Variants in HIBADH observed in about 807,000 individuals in gnomAD.
HIBADH encodes 3-hydroxyisobutyrate dehydrogenase, mitochondrial.
Under a neutral mutation model 36.1 loss-of-function variants are expected in HIBADH, and 25 were observed. That is an observed-to-expected ratio of 0.69 (90% CI 0.50 to 0.97). The LOEUF (loss-of-function observed/expected upper bound fraction) is 0.97, where lower values mean the gene tolerates loss of function less well. Ranked by LOEUF, HIBADH falls within the 50% of genes least tolerant of loss-of-function variation. The probability of loss-of-function intolerance (pLI) is 0.00; values close to 1 mark genes in which losing one functional copy is unlikely to be tolerated. For synonymous variants in HIBADH, 160 were observed against 149.5 expected (o/e 1.07, Z -0.51); for missense variants, 421 against 418.0 (o/e 1.01, Z -0.06).
chr7:27,640,586 G>A (rs1044232754), intron 2 of HIBADH, among the ~76,000 whole-genome samples: 1 of 152,246 alleles, frequency 6.6e-6, no homozygotes, highest in Admixed American at 6.5e-5. Context: ...TATATTCAAG[G>A]CAACTTGAAT....
intron 2 of HIBADH, among the ~76,000 whole-genome samples, chr7:27,648,994 G>A (rs1340986073): frequency 1.3e-5 from 2 of 152,240 alleles, no homozygotes; most frequent in Admixed American, 6.5e-5. Context: ...GGTTGTCATC[G>A]TTCACATTTT....
intron 4 of HIBADH, among the ~76,000 whole-genome samples, chr7:27,571,244 C>T (rs778429040): frequency 2.0e-5 from 3 of 151,166 alleles, no homozygotes; most frequent in Admixed American, 1.3e-4. Flanking sequence ...TTTTTTGAGA[C>T]GGAGTTTTGC....
intron 4 of HIBADH, among the ~76,000 whole-genome samples, chr7:27,573,841 A>AT (rs1784664175): frequency 6.6e-6 from 1 of 152,218 alleles, no homozygotes; most frequent in Non-Finnish European, 1.5e-5. Flanking sequence ...TAAATTTTAT[A>AT]TTGATTACAT....
At chr7:27,653,909 A>T (rs1786247099) in intron 1 of HIBADH, among the ~76,000 whole-genome samples, 1 of 152,252 alleles carries the variant, frequency 6.6e-6, no homozygotes, top group Admixed American at 6.5e-5. Flanking sequence ...TCTGAAGCCC[A>T]AGGGAACGTG....
intron 6 of HIBADH, among the ~76,000 whole-genome samples, chr7:27,532,506 T>A (rs1784016778): frequency 6.6e-6 from 1 of 152,202 alleles, no homozygotes; most frequent in Non-Finnish European, 1.5e-5. Flanking sequence ...TTTTTTCAGA[T>A]GCTAGAGCAG....
intron 4 of HIBADH, among the ~76,000 whole-genome samples, chr7:27,585,373 G>GGCTACACATCTTCCCTA (rs1223266193): frequency 2.6e-5 from 4 of 152,050 alleles, no homozygotes; most frequent in African/African-American, 7.2e-5. Context: ...CACCAAAGCA[G>GGCTACACATCTTCCCTA]TCTATGAGGC....
intron 4 of HIBADH, among the ~76,000 whole-genome samples, chr7:27,591,842 G>C (rs1784945574): frequency 6.6e-6 from 1 of 152,092 alleles, no homozygotes; most frequent in Non-Finnish European, 1.5e-5. Flanking sequence ...AATTTCTCAT[G>C]CTAGCCTTTT....
chr7:27,541,127 G>A (rs896131686), intron 5 of HIBADH, among the ~76,000 whole-genome samples: 9 of 140,406 alleles, frequency 6.4e-5, no homozygotes, highest in African/African-American at 1.1e-4. Context: ...TGTCCTTCGA[G>A]CATCCTTTTT....
intron 7 of HIBADH, among the ~76,000 whole-genome samples, chr7:27,529,465 CA>C (rs1783960568): frequency 6.6e-6 from 1 of 152,100 alleles, no homozygotes; most frequent in African/African-American, 2.4e-5. Context: ...TTCCAATGCT[CA>C]TGGATAACTT....
chr7:27,623,752 T>C (rs1785587394), intron 4 of HIBADH, among the ~76,000 whole-genome samples: 2 of 152,176 alleles, frequency 1.3e-5, no homozygotes, highest in Admixed American at 6.5e-5. Flanking sequence ...GAAGATGACA[T>C]AACCAAATGG....
chr7:27,529,130 T>G (rs1032012335), intron 7 of HIBADH, among the ~76,000 whole-genome samples: 1 of 152,184 alleles, frequency 6.6e-6, no homozygotes, highest in African/African-American at 2.4e-5. Flanking sequence ...AAGATTCCTT[T>G]CAAAATACGA....
intron 4 of HIBADH, among the ~76,000 whole-genome samples, chr7:27,578,341 A>G (rs144041402): frequency 6.7e-6 from 1 of 149,734 alleles, no homozygotes. Context: ...TTTTTGAGAC[A>G]GTTTCGCTTT....
At chr7:27,561,957 G>A (rs1784474347) in intron 4 of HIBADH, among the ~76,000 whole-genome samples, 1 of 151,974 alleles carries the variant, frequency 6.6e-6, no homozygotes, top group South Asian at 2.1e-4. Flanking sequence ...GAATTTGCAT[G>A]GTATGTAAGA....
At chr7:27,592,702 G>A (rs1784958753) in intron 4 of HIBADH, among the ~76,000 whole-genome samples, 1 of 152,012 alleles carries the variant, frequency 6.6e-6, no homozygotes. Context: ...TACTACAAAT[G>A]CCTCTCACTT....
chr7:27,644,735 A>G (rs1468074359), intron 2 of HIBADH, among the ~76,000 whole-genome samples: 1 of 151,970 alleles, frequency 6.6e-6, no homozygotes, highest in Non-Finnish European at 1.5e-5. Flanking sequence ...ACTGCACTCC[A>G]GCCTGGTGAC....
At chr7:27,629,232 T>C in intron 4 of HIBADH, 139 bp downstream of exon 4, 1 of 699,170 alleles carries the variant, frequency 1.4e-6, no homozygotes, top group Middle Eastern at 2.9e-4. Flanking sequence ...AAATAACGTA[T>C]CAGTTTGGCT....
chr7:27,581,537 T>C (rs995789676), intron 4 of HIBADH, among the ~76,000 whole-genome samples: 1 of 152,202 alleles, frequency 6.6e-6, no homozygotes, highest in African/African-American at 2.4e-5. Context: ...GGATGGAAGG[T>C]AGATTTCCTT....
At position 27,542,992 on chromosome 7, in the gene HIBADH, T is replaced by C; in HGVS notation, c.593A>G (p.Tyr198Cys). 3 of 1,613,784 alleles carry C rather than the reference T, an allele frequency of 1.9e-6. No homozygotes were observed. The highest frequency in any genetic ancestry group is 1.7e-6 in the Non-Finnish European group (2 of 1,179,842). ...CTGCCCAGTCCCAACAGCTCCACAG[T>C]ACACCACGTTGGAGCCCATGCACCC... ...LLGCMGSNVV[Y>C]CGAVGTGQAA... Residue 198 changes from tyrosine (Y) to cysteine (C), a missense_variant, in exon 5 of 8, where the codon TAC becomes TGC. Transcript: ENST00000265395.
chr7:27,635,056 C>T (rs1455364493), intron 2 of HIBADH, among the ~76,000 whole-genome samples: 1 of 148,918 alleles, frequency 6.7e-6, no homozygotes, highest in East Asian at 2.0e-4. Context: ...TAATAACACA[C>T]ACTCTCTCTC....
Sources: allele counts gnomAD v4.1 joint callset (sites outside exome capture counted in the v4.1 genomes callset), GRCh38; gene constraint gnomAD v4.1.1; transcripts MANE v1.5; gene names NCBI Gene and HGNC (gene_info 2026-07-23, HGNC 2026-07-21).